Variants in SLC24A3 observed in about 807,000 individuals in gnomAD.
SLC24A3 encodes the protein sodium/potassium/calcium exchanger 3.
A neutral mutation model predicts 75.8 loss-of-function variants in SLC24A3; 28 were observed. That is an observed-to-expected ratio of 0.37 (90% CI 0.27 to 0.51). The LOEUF (loss-of-function observed/expected upper bound fraction) is 0.51. Among genes scored for constraint, SLC24A3 ranks in the 20% least tolerant of loss-of-function variants. The probability of loss-of-function intolerance (pLI) is 0.94; values close to 1 mark genes in which losing one functional copy is unlikely to be tolerated. For synonymous variants in SLC24A3, 372 were observed against 334.1 expected (o/e 1.11, Z -1.24); for missense variants, 663 against 847.8 (o/e 0.78, Z 2.71).
chr20:19,589,653 G>C (rs777433548), intron 6 of SLC24A3, among the ~76,000 whole-genome samples: 1 of 152,172 alleles, frequency 6.6e-6, no homozygotes, highest in Non-Finnish European at 1.5e-5. Context: ...ACTATAAAGT[G>C]TCTAGGGCCA....
At chr20:19,416,503 G>T (rs1252748487) in intron 2 of SLC24A3, among the ~76,000 whole-genome samples, 1 of 152,162 alleles carries the variant, frequency 6.6e-6, no homozygotes, top group Non-Finnish European at 1.5e-5. Context: ...ATTGATAAGG[G>T]TCCTTCTCCC....
At position 19,693,396 on chromosome 20, in the gene SLC24A3, G is replaced by T. The variant is rs2032769435; in HGVS notation, c.1462G>T (p.Ala488Ser). The change falls in exon 13 of 17, where the codon GCA becomes TCA. Residue 488 changes from alanine to serine, a missense_variant. Ala to Ser is a moderately conservative substitution (Grantham distance 99, BLOSUM62 1). This residue lies in a region of SLC24A3 where 510 missense variants were observed against 703.6 expected (regional missense o/e 0.72). Coordinates refer to ENST00000328041, the MANE Select transcript of SLC24A3 (RefSeq NM_020689.4). ...GTTTGCTTCCTCCACGCTGTGGATCGCAGCCTTCTCCTACATGATGGTGTG... is the reference window on the plus strand; with the variant it reads ...GTTTGCTTCCTCCACGCTGTGGATCTCAGCCTTCTCCTACATGATGGTGTG... ...VTFASSTLWI[A>S]AFSYMMVWMV... The T allele has an allele frequency of 6.2e-7, 1 of 1,613,954 alleles. No individual in the cohort carries two copies. The highest frequency in any genetic ancestry group is 8.5e-7 in the Non-Finnish European group (1 of 1,180,014).
chr20:19,702,586 G>T (rs1343755377), intron 15 of SLC24A3, among the ~76,000 whole-genome samples: 1 of 150,662 alleles, frequency 6.6e-6, no homozygotes, highest in Non-Finnish European at 1.5e-5. Flanking sequence ...GTCATGTTGT[G>T]TTTCCATCCA....
rs1168250650 is a variant in SLC24A3 at position 19,547,687 on chromosome 20, C to CA, written c.348+32131dup. Among the ~76,000 whole-genome samples the CA allele has an allele frequency of 2.4e-3, 358 of 151,856 alleles. 1 individual carries two copies. The highest frequency in any genetic ancestry group is 8.0e-3 in the African/African-American group (330 of 41,438). On this transcript the variant is annotated intron_variant, in intron 3 of 16. Coordinates refer to ENST00000328041, the MANE Select transcript of SLC24A3 (RefSeq NM_020689.4). ...GCAGAAGCTGAGTGAATGGCCAGGC[C>CA]AAAAAAAACTGCCTCTCCCACCCTC...
intron 2 of SLC24A3, among the ~76,000 whole-genome samples, chr20:19,482,044 C>T (rs1046162870): frequency 2.6e-5 from 4 of 152,200 alleles, no homozygotes; most frequent in Non-Finnish European, 4.4e-5. Flanking sequence ...ACCTGGACTC[C>T]ACCATAGCCC....
chr20:19,530,543 C>T lies in SLC24A3; in HGVS notation c.348+14979C>T, dbSNP rs145184959. Among the ~76,000 whole-genome samples, 825 of 152,266 alleles carry T rather than the reference C, an allele frequency of 5.4e-3. 19 individuals are homozygous for T. The highest frequency in any genetic ancestry group is 0.018 in the African/African-American group (731 of 41,554). ...TCTACGACCTTCAATATGTCACTTG[C>T]CCTTCAGGGTTTTGGCTTCTTCATC... is the stretch of plus-strand genomic sequence containing the variant. On this transcript the variant is annotated intron_variant, in intron 3 of 16. Coordinates refer to ENST00000328041, the MANE Select transcript of SLC24A3 (RefSeq NM_020689.4).
intron 2 of SLC24A3, among the ~76,000 whole-genome samples, chr20:19,299,036 A>G (rs1167314546): frequency 6.6e-6 from 1 of 152,140 alleles, no homozygotes; most frequent in East Asian, 1.9e-4. Flanking sequence ...AAGTTGGGCC[A>G]TTGTGGGTGA....
chr20:19,718,607 A>G (rs2033066497), intron 16 of SLC24A3, among the ~76,000 whole-genome samples: 1 of 152,198 alleles, frequency 6.6e-6, no homozygotes, highest in Non-Finnish European at 1.5e-5. Flanking sequence ...AGGGTGCACA[A>G]TCATAGCTAC....
intron 10 of SLC24A3, among the ~76,000 whole-genome samples, chr20:19,683,506 A>G (rs888340825): frequency 7.2e-5 from 11 of 152,218 alleles, no homozygotes; most frequent in Non-Finnish European, 1.3e-4. Context: ...GTTCTCTGTA[A>G]CATGAACAAC....
At chr20:19,217,744 T>G (rs1981601127) in intron 1 of SLC24A3, among the ~76,000 whole-genome samples, 1 of 152,058 alleles carries the variant, frequency 6.6e-6, no homozygotes, top group African/African-American at 2.4e-5. Context: ...CCCACTCTGG[T>G]TTTTCCTCTG....
rs150618527 is a variant in SLC24A3 at position 19,435,271 on chromosome 20, C to T, written c.272-80217C>T. Reference sequence around the variant, plus strand: ...CCTCTGTAAAATGAGCATAACAGCACCTACTCCATCACTTCACTGACATGA... The same window carrying T: ...CCTCTGTAAAATGAGCATAACAGCATCTACTCCATCACTTCACTGACATGA... On this transcript the variant is annotated intron_variant, in intron 2 of 16. Coordinates refer to ENST00000328041, the MANE Select transcript of SLC24A3 (RefSeq NM_020689.4). Among the ~76,000 whole-genome samples the T allele has an allele frequency of 3.9e-3, 593 of 152,332 alleles. 4 individuals carry two copies. Among genetic ancestry groups the T allele is most frequent in the African/African-American group, 0.013 (557 of 41,582 alleles).
intron 2 of SLC24A3, among the ~76,000 whole-genome samples, chr20:19,362,207 T>C (rs1985803403): frequency 6.6e-6 from 1 of 152,214 alleles, no homozygotes; most frequent in South Asian, 2.1e-4. Context: ...ACGCAGGAGA[T>C]GTTATTTTAA....
At chr20:19,478,013 T>G (rs945011966) in intron 2 of SLC24A3, among the ~76,000 whole-genome samples, 1 of 152,192 alleles carries the variant, frequency 6.6e-6, no homozygotes, top group African/African-American at 2.4e-5. Context: ...TCGAAAGCCA[T>G]CAGGAATCCC....
chr20:19,366,092 C>A (rs1031224781), intron 2 of SLC24A3, among the ~76,000 whole-genome samples: 1 of 151,390 alleles, frequency 6.6e-6, no homozygotes, highest in Non-Finnish European at 1.5e-5. Context: ...GCCCCATGAT[C>A]TTTTCTTACT....
intron 2 of SLC24A3, among the ~76,000 whole-genome samples, chr20:19,291,583 C>T (rs1983942875): frequency 6.6e-6 from 1 of 152,228 alleles, no homozygotes; most frequent in African/African-American, 2.4e-5. Flanking sequence ...TAGAGTGTGA[C>T]TCCCATTTCT....
In SLC24A3 at chr20:19,483,275, G is replaced by A. The variant is rs529808377; in HGVS notation, c.272-32213G>A. Among the ~76,000 whole-genome samples the A allele has an allele frequency of 4.6e-5, 7 of 152,110 alleles. No homozygotes were observed. In the South Asian group the frequency reaches 1.5e-3, roughly 32 times the overall value. ...GGGAAGTTGATACTAACTAACAATA[G>A]CTTCTTAGCAGATTTTTTACTGAGC... On this transcript the variant is annotated intron_variant, in intron 2 of 16. Transcript: ENST00000328041.
rs1338806658 is a variant in SLC24A3 at position 19,696,823 on chromosome 20, G to A, written c.1518G>A (p.Gly506=). 1 of 1,614,048 alleles carries A rather than the reference G, an allele frequency of 6.2e-7. No homozygotes were observed. Among genetic ancestry groups the A allele is most frequent in the Non-Finnish European group, 8.5e-7 (1 of 1,179,972 alleles). ...WMVTIIGYTL[G]IPDVIMGITF... is the part of the protein sequence containing the mutation. Reference sequence around the variant, plus strand: ...TCACAATCATTGGTTACACCCTGGGGATTCCTGACGTCATCATGGGGATCA... The same window carrying A: ...TCACAATCATTGGTTACACCCTGGGAATTCCTGACGTCATCATGGGGATCA... Residue 506 remains glycine, a synonymous_variant, in exon 14 of 17, where the codon GGG becomes GGA. Transcript: ENST00000328041.
At chr20:19,643,996 A>G (rs2032104712) in intron 6 of SLC24A3, among the ~76,000 whole-genome samples, 1 of 152,226 alleles carries the variant, frequency 6.6e-6, no homozygotes, top group Non-Finnish European at 1.5e-5. Context: ...AAGGAATAGG[A>G]GAGCTTGGGG....
intron 10 of SLC24A3, 56 bp downstream of exon 10, chr20:19,682,047 G>C: frequency 6.4e-7 from 1 of 1,573,800 alleles, no homozygotes; most frequent in Non-Finnish European, 8.7e-7. Context: ...GAGGCCAGGA[G>C]TTCAAGACCA....
Sources: allele counts gnomAD v4.1 joint callset (sites outside exome capture counted in the v4.1 genomes callset), GRCh38; gene constraint gnomAD v4.1.1; regional missense constraint gnomAD v4.1.1; transcripts MANE v1.5; gene names NCBI Gene and HGNC (gene_info 2026-07-23, HGNC 2026-07-21).